PARN: variants seen among roughly 807,000 people sequenced by gnomAD.
PARN encodes the protein poly(A)-specific ribonuclease PARN.
Under a neutral mutation model 102.8 loss-of-function variants are expected in PARN, and 71 were observed. That is an observed-to-expected ratio of 0.69 (90% CI 0.57 to 0.84). The LOEUF (loss-of-function observed/expected upper bound fraction) is 0.84. Ranked by LOEUF, PARN falls within the 40% of genes least tolerant of loss-of-function variation. The probability of loss-of-function intolerance (pLI) is 0.00; values close to 1 mark genes in which losing one functional copy is unlikely to be tolerated. For missense variants in PARN, 782 were observed against 760.9 expected (o/e 1.03, Z -0.33); for synonymous variants, 261 against 252.9 (o/e 1.03, Z -0.30).
chr16:14,550,496 C>A (rs757509737), intron 21 of PARN, among the ~76,000 whole-genome samples: 40 of 152,112 alleles, frequency 2.6e-4, no homozygotes, highest in Non-Finnish European at 4.3e-4. Context: ...AGAAGTTCAT[C>A]AAGGTTAAAT....
chr16:14,589,457 C>T (rs1359795085), intron 13 of PARN, among the ~76,000 whole-genome samples: 1 of 151,258 alleles, frequency 6.6e-6, no homozygotes, highest in Non-Finnish European at 1.5e-5. Context: ...CCCAGCTACT[C>T]GAGAGGCTGA....
intron 23 of PARN, among the ~76,000 whole-genome samples, chr16:14,439,324 A>G (rs1321453800): frequency 6.8e-6 from 1 of 147,426 alleles, no homozygotes; most frequent in Non-Finnish European, 1.5e-5. Context: ...GTGAGCTGTG[A>G]TAGTGCTACT....
chr16:14,518,225 G>A (rs1407905695), intron 21 of PARN, among the ~76,000 whole-genome samples: 7 of 137,700 alleles, frequency 5.1e-5, no homozygotes, highest in African/African-American at 1.1e-4. Flanking sequence ...CCAGGAGGTC[G>A]AGGCTGCAGT....
At chr16:14,498,804 C>G (rs945326248) in intron 21 of PARN, among the ~76,000 whole-genome samples, 14 of 152,242 alleles carry the variant, frequency 9.2e-5, no homozygotes, top group African/African-American at 3.4e-4. Context: ...AAGAGTTACA[C>G]TTCTCCAAAA....
At chr16:14,607,874 A>G (rs1471039294) in intron 9 of PARN, among the ~76,000 whole-genome samples, 2 of 152,166 alleles carry the variant, frequency 1.3e-5, no homozygotes, top group Non-Finnish European at 1.5e-5. Flanking sequence ...TACACACACA[A>G]AAGTCTGGAT....
chr16:14,615,271 A>G (rs866127314), intron 6 of PARN, among the ~76,000 whole-genome samples: 11 of 151,740 alleles, frequency 7.2e-5, no homozygotes, highest in Admixed American at 6.6e-5. Context: ...AAGGAGGCAC[A>G]TTCCAATCTG....
chr16:14,583,113 C>T (rs563794629), intron 16 of PARN, among the ~76,000 whole-genome samples: 2 of 152,154 alleles, frequency 1.3e-5, no homozygotes, highest in African/African-American at 4.8e-5. Flanking sequence ...CAGCAAAGAC[C>T]GCTTTATATA....
At chr16:14,450,681 T>C (rs1961409509) in intron 22 of PARN, among the ~76,000 whole-genome samples, 1 of 152,164 alleles carries the variant, frequency 6.6e-6, no homozygotes, top group Non-Finnish European at 1.5e-5. Context: ...TAGTTTCTAA[T>C]ACCCTACTAA....
chr16:14,546,222 T>G (rs755651939), intron 21 of PARN, among the ~76,000 whole-genome samples: 8 of 152,220 alleles, frequency 5.3e-5, no homozygotes, highest in Non-Finnish European at 7.3e-5. Context: ...GGCTGAACAA[T>G]CATCCTGAAA....
chr16:14,435,924 A>G lies in PARN; in HGVS notation c.*793T>C, dbSNP rs1368805772. The stretch of plus-strand genomic sequence containing the variant: ...CACACACACACACACACACACACAC[A>G]CACACACACACACACACACAGACAC... On this transcript the variant is annotated 3_prime_UTR_variant, in exon 24 of 24. Coordinates refer to ENST00000437198, the MANE Select transcript of PARN (RefSeq NM_002582.4). 6.6e-6 allele frequency: 1 copy of G among 152,366 alleles called. No individual in the cohort carries two copies. Among genetic ancestry groups the G allele is most frequent in the East Asian group, 1.9e-4 (1 of 5,186 alleles). 9.4% of individuals were successfully genotyped at this position (152,366 alleles called of 1,614,324 possible).
chr16:14,561,106 G>A (rs1156924062), intron 18 of PARN, among the ~76,000 whole-genome samples: 1 of 148,470 alleles, frequency 6.7e-6, no homozygotes, highest in Admixed American at 6.8e-5. Context: ...GCAGTGAGCC[G>A]AGATTGCACT....
chr16:14,542,204 C>T (rs1966845579), intron 21 of PARN, among the ~76,000 whole-genome samples: 1 of 151,950 alleles, frequency 6.6e-6, no homozygotes, highest in Non-Finnish European at 1.5e-5. Flanking sequence ...CAGGGTCTCA[C>T]TATGTTGCCC....
chr16:14,613,494 G>A (rs985481787), intron 6 of PARN, among the ~76,000 whole-genome samples: 2 of 151,750 alleles, frequency 1.3e-5, no homozygotes, highest in Non-Finnish European at 2.9e-5. Flanking sequence ...GTGGTGCCAC[G>A]CGCCTATAGT....
At chr16:14,548,764 G>A (rs1040435175) in intron 21 of PARN, among the ~76,000 whole-genome samples, 1 of 152,102 alleles carries the variant, frequency 6.6e-6, no homozygotes, top group Admixed American at 6.6e-5. Context: ...AAATCGGCCT[G>A]GCCAACATAG....
intron 13 of PARN, among the ~76,000 whole-genome samples, chr16:14,591,150 G>A (rs1970171537): frequency 6.6e-6 from 1 of 152,016 alleles, no homozygotes; most frequent in Non-Finnish European, 1.5e-5. Flanking sequence ...CAGCACTCTG[G>A]GAGGCCAAGG....
At chr16:14,558,162 C>G (rs570250494) in intron 18 of PARN, among the ~76,000 whole-genome samples, 38 of 152,322 alleles carry the variant, frequency 2.5e-4, no homozygotes, top group Non-Finnish European at 3.2e-4. Context: ...GCTGGGCACA[C>G]TGGCTCACGC....
intron 21 of PARN, among the ~76,000 whole-genome samples, chr16:14,500,209 C>G (rs1169056821): frequency 6.6e-6 from 1 of 152,052 alleles, no homozygotes; most frequent in Non-Finnish European, 1.5e-5. Context: ...GAGCTTGCCA[C>G]CATGTCCGGG....
intron 21 of PARN, among the ~76,000 whole-genome samples, chr16:14,551,239 A>G (rs1007109569): frequency 6.6e-6 from 1 of 151,536 alleles, no homozygotes; most frequent in Non-Finnish European, 1.5e-5. Context: ...GCCTAGAACC[A>G]TATTTTAAAA....
rs566634070 is a variant in PARN, at chr16:14,548,780, C to A, written c.1480+3241G>T. On this transcript the variant is annotated intron_variant, in intron 21 of 23. Coordinates refer to ENST00000437198, the MANE Select transcript of PARN (RefSeq NM_002582.4). ...AATCGGCCTGGCCAACATAGCAAAA[C>A]CCTGTCTCTACAAAAAATACAAAAA... Among the ~76,000 whole-genome samples the A allele has an allele frequency of 4.1e-4, 63 of 152,236 alleles. 1 individual carries two copies. Among genetic ancestry groups the A allele is most frequent in the African/African-American group, 1.5e-3 (61 of 41,540 alleles).
Sources: gnomAD v4.1 joint callset for allele counts (sites outside exome capture counted in the v4.1 genomes callset) on GRCh38, gnomAD v4.1.1 for gene constraint, MANE v1.5 for transcripts, NCBI Gene and HGNC (gene_info 2026-07-23, HGNC 2026-07-21) for gene names.